Variants in SEMA5A observed in about 807,000 individuals in gnomAD.
SEMA5A encodes the protein semaphorin-5A.
In SEMA5A, 55 loss-of-function variants were observed where a neutral mutation model predicts 135.5. The ratio of observed to expected loss-of-function variants is 0.41; its 90% CI spans 0.33 to 0.51. The LOEUF (loss-of-function observed/expected upper bound fraction) is 0.51. Among genes scored for constraint, SEMA5A ranks in the 20% least tolerant of loss-of-function variants. The pLI is 0.37. For synonymous variants in SEMA5A, 580 were observed against 546.5 expected (o/e 1.06, Z -0.85); for missense variants, 1,290 against 1,419.9 (o/e 0.91, Z 1.47).
Position 9,050,466 on chromosome 5 carries a change from A to G in SEMA5A, c.2846-9T>C. 1 of 1,611,992 alleles carries G rather than the reference A, an allele frequency of 6.2e-7. No homozygotes were observed. The highest frequency in any genetic ancestry group is 8.5e-7 in the Non-Finnish European group (1 of 1,179,008). ...TCTTGCCACAGATACTTCTGGAAAA[A>G]GAAAAGTCGAATCACAATGTGTAAA... On this transcript the variant is annotated splice_polypyrimidine_tract_variant and intron_variant, in intron 20 of 22. Transcript: ENST00000382496.
At position 9,206,404 on chromosome 5, in the gene SEMA5A, T is replaced by C. The variant is rs984632; in HGVS notation, c.647-4164A>G. On this transcript the variant is annotated intron_variant, in intron 8 of 22. Coordinates refer to ENST00000382496, the MANE Select transcript of SEMA5A (RefSeq NM_003966.3). Reference sequence around the variant, plus strand: ...ATATTTACTTACATAATAGTGACCATACAGATAGGACTACCGAGAAGTGAC... The same window carrying C: ...ATATTTACTTACATAATAGTGACCACACAGATAGGACTACCGAGAAGTGAC... Among the ~76,000 whole-genome samples, 647 of 152,260 alleles carry C rather than the reference T, an allele frequency of 4.2e-3. 10 individuals are homozygous for C. Among genetic ancestry groups the C allele is most frequent in the South Asian group, 0.04 (192 of 4,824 alleles).
chr5:9,205,997 T>C (rs1352367957), intron 8 of SEMA5A, among the ~76,000 whole-genome samples: 1 of 152,164 alleles, frequency 6.6e-6, no homozygotes, highest in African/African-American at 2.4e-5. Context: ...AATTTGGAAG[T>C]AGGGGATGTT....
chr5:9,352,431 G>A (rs556762691), intron 3 of SEMA5A, among the ~76,000 whole-genome samples: 40 of 151,580 alleles, frequency 2.6e-4, no homozygotes, highest in East Asian at 1.4e-3. Flanking sequence ...TGTATTTTTC[G>A]TAAAAACAGG....
intron 1 of SEMA5A, among the ~76,000 whole-genome samples, chr5:9,522,059 C>T (rs535035101): frequency 3.9e-5 from 6 of 152,264 alleles, no homozygotes; most frequent in East Asian, 3.9e-4. Context: ...GCATAGCCTT[C>T]GCCTGCATGG....
intron 12 of SEMA5A, among the ~76,000 whole-genome samples, chr5:9,142,565 G>T (rs763127350): frequency 1.3e-5 from 2 of 152,174 alleles, no homozygotes; most frequent in Non-Finnish European, 2.9e-5. Flanking sequence ...TGATCAAACT[G>T]CCTATGAATT....
chr5:9,139,081 T>C (rs1490135069), intron 12 of SEMA5A, among the ~76,000 whole-genome samples: 1 of 152,214 alleles, frequency 6.6e-6, no homozygotes, highest in Non-Finnish European at 1.5e-5. Context: ...CCTTTTTTCA[T>C]ATAATGACTT....
intron 1 of SEMA5A, among the ~76,000 whole-genome samples, chr5:9,464,699 G>A (rs916066892): frequency 6.6e-6 from 1 of 151,704 alleles, no homozygotes; most frequent in Non-Finnish European, 1.5e-5. Context: ...GCCCTGGCAT[G>A]GAAGCTTGTA....
Position 9,530,078 on chromosome 5 carries a change from C to T in SEMA5A, c.-175+15506G>A, listed in dbSNP as rs531491879. On this transcript the variant is annotated intron_variant, in intron 1 of 22. Transcript: ENST00000382496. ...GGCTGGGAAGCCCCAGGGAGGTGTG[C>T]GGGCCGCGTTAGGATGGACATTTGT... 5.3e-5 allele frequency among the ~76,000 whole-genome samples: 8 copies of T among 152,312 alleles called. No homozygotes were observed. In the South Asian group the frequency reaches 1.2e-3, roughly 24 times the overall value.
intron 12 of SEMA5A, among the ~76,000 whole-genome samples, chr5:9,140,756 G>A (rs778365144): frequency 1.3e-5 from 2 of 152,158 alleles, no homozygotes; most frequent in Non-Finnish European, 2.9e-5. Context: ...AGCATAGCGA[G>A]GCTACACTTA....
intron 1 of SEMA5A, among the ~76,000 whole-genome samples, chr5:9,524,890 T>C (rs55948955): frequency 0.022 from 3,414 of 152,276 alleles, 140 homozygotes; most frequent in African/African-American, 0.078. Flanking sequence ...CATATATCTA[T>C]TGAATGCCCA....
At chr5:9,303,228 T>C (rs924660498) in intron 5 of SEMA5A, among the ~76,000 whole-genome samples, 1 of 151,906 alleles carries the variant, frequency 6.6e-6, no homozygotes, top group African/African-American at 2.4e-5. Context: ...GCCATTCTCC[T>C]GCCTCAGCCT....
At chr5:9,049,133 CAGAT>C (rs1736425740) in intron 21 of SEMA5A, among the ~76,000 whole-genome samples, 1 of 150,146 alleles carries the variant, frequency 6.7e-6, no homozygotes, top group Admixed American at 6.7e-5. Flanking sequence ...CAGAATGTCA[CAGAT>C]AGTGAGCTCT....
At chr5:9,196,051 C>T (rs1745369198) in intron 10 of SEMA5A, among the ~76,000 whole-genome samples, 1 of 152,238 alleles carries the variant, frequency 6.6e-6, no homozygotes, top group Admixed American at 6.5e-5. Context: ...AGCACTGCCA[C>T]CAGTGTGCAA....
chr5:9,180,391 T>C (rs1353171595), intron 11 of SEMA5A, among the ~76,000 whole-genome samples: 2 of 152,186 alleles, frequency 1.3e-5, no homozygotes, highest in Non-Finnish European at 2.9e-5. Context: ...AATTATGTAA[T>C]GTACCCCCTT....
intron 1 of SEMA5A, among the ~76,000 whole-genome samples, chr5:9,532,454 T>C (rs1431563799): frequency 6.7e-6 from 1 of 149,392 alleles, no homozygotes; most frequent in Non-Finnish European, 1.5e-5. Context: ...TTTTTTTTTT[T>C]TTTTTGTATT....
chr5:9,461,886 C>A (rs1759070158), intron 1 of SEMA5A, among the ~76,000 whole-genome samples: 1 of 152,142 alleles, frequency 6.6e-6, no homozygotes, highest in East Asian at 1.9e-4. Context: ...ATTCTGTTAC[C>A]TAGGAGGGGA....
chr5:9,251,184 G>A (rs935295639), intron 5 of SEMA5A, among the ~76,000 whole-genome samples: 4 of 152,100 alleles, frequency 2.6e-5, no homozygotes, highest in Non-Finnish European at 5.9e-5. Context: ...ATACTAGGAT[G>A]ACTCTAGTCA....
intron 1 of SEMA5A, among the ~76,000 whole-genome samples, chr5:9,483,291 C>T (rs1263419426): frequency 6.6e-6 from 1 of 152,112 alleles, no homozygotes; most frequent in Non-Finnish European, 1.5e-5. Flanking sequence ...TTTCCCCTTA[C>T]CCCCTCTCCC....
intron 2 of SEMA5A, among the ~76,000 whole-genome samples, chr5:9,386,985 G>A (rs1254479688): frequency 1.3e-5 from 2 of 152,194 alleles, no homozygotes; most frequent in African/African-American, 2.4e-5. Context: ...GAAGGTGAAC[G>A]AGGAAAGATA....
Sources: allele counts gnomAD v4.1 joint callset (sites outside exome capture counted in the v4.1 genomes callset), GRCh38; gene constraint gnomAD v4.1.1; transcripts MANE v1.5; gene names NCBI Gene and HGNC (gene_info 2026-07-23, HGNC 2026-07-21).